The following MTFR1 variants were observed in gnomAD, a reference collection of about 807,000 sequenced individuals.
MTFR1 encodes mitochondrial fission regulator 1.
MTFR1 carries 28 observed loss-of-function variants against 38.8 expected under a neutral mutation model. The ratio of observed to expected loss-of-function variants is 0.72; its 90% CI spans 0.53 to 0.99. MTFR1 has a LOEUF of 0.99. Ranked by LOEUF, MTFR1 falls within the 50% of genes least tolerant of loss-of-function variation. The pLI is 0.00. For missense variants in MTFR1, 358 were observed against 395.5 expected (o/e 0.91, Z 0.81); for synonymous variants, 145 against 137.0 (o/e 1.06, Z -0.41).
intron 3 of MTFR1, among the ~76,000 whole-genome samples, chr8:65,755,263 C>T (rs1808170897): frequency 6.6e-6 from 1 of 152,032 alleles, no homozygotes; most frequent in South Asian, 2.1e-4. Context: ...TCAGGGGATC[C>T]ACCCGCCTCA....
chr8:65,736,946 G>GT (rs1407303460), intron 3 of MTFR1, among the ~76,000 whole-genome samples: 5 of 149,008 alleles, frequency 3.4e-5, no homozygotes, highest in African/African-American at 1.2e-4. Flanking sequence ...GCAGTAGCGT[G>GT]ATCTTGGCTC....
At chr8:65,724,310 C>T (rs200682112) in intron 3 of MTFR1, 20 of 1,612,808 alleles carry the variant, frequency 1.2e-5, no homozygotes, top group South Asian at 9.9e-5. Context: ...TTAATTCCCA[C>T]GTCCGACATG....
chr8:65,721,032 C>A (rs1806355357), intron 3 of MTFR1, among the ~76,000 whole-genome samples: 1 of 152,222 alleles, frequency 6.6e-6, no homozygotes, highest in South Asian at 2.1e-4. Context: ...GCTATCACTT[C>A]TGGCTCTACG....
At position 65,707,053 on chromosome 8, in the gene MTFR1, T is replaced by C; in HGVS notation, c.561T>C (p.Pro187=). The change falls in exon 6 of 8, where the codon CCT becomes CCC. Residue 187 remains proline, a synonymous_variant. Coordinates refer to ENST00000262146, the MANE Select transcript of MTFR1 (RefSeq NM_014637.4). ...CATTTGGTACCATACCACCACACCC[T>C]CCACCTCCCCCACCGCCCCTGCCTC... ...STTFGTIPPH[P]PPPPPPLPPP... 3.1e-5 allele frequency: 38 copies of C among 1,210,616 alleles called. No homozygotes were observed. Among genetic ancestry groups the C allele is most frequent in the East Asian group, 6.6e-5 (2 of 30,518 alleles). 75.0% of individuals were successfully genotyped at this position (1,210,616 alleles called of 1,614,324 possible).
intron 5 of MTFR1, among the ~76,000 whole-genome samples, chr8:65,705,510 T>G (rs1343470411): frequency 6.6e-6 from 1 of 152,222 alleles, no homozygotes; most frequent in East Asian, 1.9e-4. Flanking sequence ...GTGGATGCTT[T>G]CCTTTCTAAT....
Position 65,723,592 on chromosome 8 carries a change from C to T in MTFR1, c.*48+4111C>T. ...GTGTGACGATCGCAAAGTGGACTCA[C>T]ACCCAAATGATATTTTTTTTCTATA... On this transcript the variant is annotated intron_variant, in intron 3 of 3. Coordinates refer to the MTFR1 transcript ENST00000521247. 4 of 1,579,138 alleles carry T rather than the reference C, an allele frequency of 2.5e-6. No individual in the cohort carries two copies. The East Asian group carries it at 6.9e-5, about 27-fold the overall frequency.
intron 3 of MTFR1, among the ~76,000 whole-genome samples, chr8:65,750,020 T>A (rs1807860082): frequency 2.5e-5 from 1 of 39,886 alleles, no homozygotes. Context: ...CATAATAGCA[T>A]GGCATGAATA....
chr8:65,737,321 T>C (rs141745151), intron 3 of MTFR1, among the ~76,000 whole-genome samples: 48 of 152,134 alleles, frequency 3.2e-4, no homozygotes, highest in Non-Finnish European at 5.9e-4. Flanking sequence ...CAGCCAAGTA[T>C]TCATATGAAC....
At chr8:65,665,409 C>T (rs910436244) in intron 1 of MTFR1, among the ~76,000 whole-genome samples, 2 of 152,044 alleles carry the variant, frequency 1.3e-5, no homozygotes, top group Non-Finnish European at 2.9e-5. Context: ...TAAGATATAT[C>T]TGCCTGATTA....
At position 65,675,321 on chromosome 8, in the gene MTFR1, C is replaced by T. The variant is rs185799211; in HGVS notation, c.66+5303C>T. Among the ~76,000 whole-genome samples the T allele has an allele frequency of 9.5e-3, 1,404 of 147,714 alleles. 14 individuals are homozygous for T. The highest frequency in any genetic ancestry group is 0.015 in the Non-Finnish European group (1,036 of 67,146). On this transcript the variant is annotated intron_variant, in intron 2 of 7. Coordinates refer to ENST00000262146, the MANE Select transcript of MTFR1 (RefSeq NM_014637.4). ...AACAAAACAAAACAAAAAGGCCGGG[C>T]GCGGTGGCTTACGCCTGTAATCCCA...
chr8:65,729,998 C>G, intron 3 of MTFR1, among the ~76,000 whole-genome samples: 1 of 151,862 alleles, frequency 6.6e-6, no homozygotes, highest in Middle Eastern at 3.4e-3. Context: ...GGCCATGGAC[C>G]GGTACTGGTC....
At chr8:65,742,425 C>T (rs1163287195) in intron 3 of MTFR1, among the ~76,000 whole-genome samples, 1 of 152,206 alleles carries the variant, frequency 6.6e-6, no homozygotes, top group Non-Finnish European at 1.5e-5. Flanking sequence ...CAGACAATAA[C>T]TACTTCCCTC....
chr8:65,756,005 T>C (rs1808225298), intron 3 of MTFR1, among the ~76,000 whole-genome samples: 1 of 152,266 alleles, frequency 6.6e-6, no homozygotes, highest in Non-Finnish European at 1.5e-5. Flanking sequence ...CTCCCCTTCA[T>C]TCTTCAAGGA....
At chr8:65,759,040 A>G (rs1397193887) in intron 3 of MTFR1, among the ~76,000 whole-genome samples, 2 of 152,226 alleles carry the variant, frequency 1.3e-5, no homozygotes, top group South Asian at 2.1e-4. Context: ...GCCCATCTCT[A>G]CACTGCTGCA....
chr8:65,662,129 G>C lies in MTFR1; in HGVS notation c.-80-7744G>C, dbSNP rs549640002. Among the ~76,000 whole-genome samples the C allele has an allele frequency of 4.9e-5, 7 of 141,648 alleles. No homozygotes were observed. In the South Asian group the frequency reaches 1.2e-3, roughly 25 times the overall value. The allele number at this position is 141,648 out of a possible 152,430, so 92.9% of individuals were successfully genotyped here. On this transcript the variant is annotated intron_variant, in intron 1 of 7. Transcript: ENST00000262146. ...AGTCTCCCTCTCCCTCTCTTTCCAC[G>C]GTCTCCCTCTGATGCCGAGCGGAAG...
rs374645859 is a variant in MTFR1 at position 65,698,791 on chromosome 8, C to T, written c.281+5032C>T. ...TTGCCCAGGCTGGAGTGCAATGGCA[C>T]GATCTCGGCTCACTGCAACCTCCAC... is the stretch of plus-strand genomic sequence containing the variant. On this transcript the variant is annotated intron_variant, in intron 4 of 7. Transcript: ENST00000262146. Among the ~76,000 whole-genome samples the T allele has an allele frequency of 3.4e-4, 51 of 151,648 alleles. 1 individual carries two copies. The highest frequency in any genetic ancestry group is 2.3e-3 in the East Asian group (12 of 5,128).
chr8:65,725,897 T>TA (rs1170572514), intron 3 of MTFR1, among the ~76,000 whole-genome samples: 1 of 152,192 alleles, frequency 6.6e-6, no homozygotes, highest in African/African-American at 2.4e-5. Flanking sequence ...ACAGTGTGTT[T>TA]AAGCAATTTT....
rs974092686 is a variant in MTFR1 at position 65,692,678 on chromosome 8, T to G, written c.166-966T>G. Among the ~76,000 whole-genome samples, 5 of 152,168 alleles carry G rather than the reference T, an allele frequency of 3.3e-5. No individual in the cohort carries two copies. The South Asian group carries it at 1.0e-3, about 32-fold the overall frequency. On this transcript the variant is annotated intron_variant, in intron 3 of 7. Coordinates refer to ENST00000262146, the MANE Select transcript of MTFR1 (RefSeq NM_014637.4). ...TGTATTTATTTCAAAATATTCTGTT[T>G]GCATCCATGTTAAGTTTAGGTAGAG...
At chr8:65,761,078 T>G (rs76042859) in intron 3 of MTFR1, among the ~76,000 whole-genome samples, 1 of 151,840 alleles carries the variant, frequency 6.6e-6, no homozygotes, top group Non-Finnish European at 1.5e-5. Flanking sequence ...TTTTTTTTTT[T>G]AGACGGAGTC....
Sources: allele counts gnomAD v4.1 joint callset (sites outside exome capture counted in the v4.1 genomes callset), GRCh38; gene constraint gnomAD v4.1.1; transcripts MANE v1.5; gene names NCBI Gene and HGNC (gene_info 2026-07-23, HGNC 2026-07-21).